The following CLTCL1 variants were observed in gnomAD, a reference collection of about 807,000 sequenced individuals.
The protein encoded by CLTCL1 is clathrin heavy chain 2.
CLTCL1 carries 159 observed loss-of-function variants against 190.0 expected under a neutral mutation model. That is an observed-to-expected ratio of 0.84 (90% confidence interval 0.74 to 0.95). CLTCL1 has a LOEUF of 0.95. Among genes scored for constraint, CLTCL1 ranks in the 40% least tolerant of loss-of-function variants. The probability of loss-of-function intolerance (pLI) is 0.00; values close to 1 mark genes in which losing one functional copy is unlikely to be tolerated. For synonymous variants in CLTCL1, 752 were observed against 769.6 expected (o/e 0.98, Z 0.38); for missense variants, 1,878 against 2,033.4 (o/e 0.92, Z 1.47).
chr22:19,211,695 A>G (rs2085226635), intron 19 of CLTCL1, among the ~76,000 whole-genome samples: 1 of 148,728 alleles, frequency 6.7e-6, no homozygotes, highest in Non-Finnish European at 1.5e-5. Flanking sequence ...CGAACCCAGG[A>G]GGCAGAGGTT....
chr22:19,228,461 C>A (rs1217813463), intron 11 of CLTCL1, among the ~76,000 whole-genome samples: 1 of 152,152 alleles, frequency 6.6e-6, no homozygotes, highest in Non-Finnish European at 1.5e-5. Flanking sequence ...TGTTTCAAAT[C>A]TCATTCACCA....
In CLTCL1 at chr22:19,198,235, C is replaced by T. The variant is rs1379074139; in HGVS notation, c.3873+1499G>A. 6.6e-6 allele frequency among the ~76,000 whole-genome samples: 1 copy of T among 152,200 alleles called. No homozygotes were observed. Among genetic ancestry groups the T allele is most frequent in the African/African-American group, 2.4e-5 (1 of 41,440 alleles). ...TAGCATATCAAGGTGGCTGCTCATT[C>T]AAAGCACACACCCAATCCTGATGGC... On this transcript the variant is annotated intron_variant, in intron 24 of 32. Coordinates refer to ENST00000427926, the MANE Select transcript of CLTCL1 (RefSeq NM_007098.4). This position sits in a 1 kb window ranked among gnomAD's most constrained non-coding sequence, Gnocchi z 4.1.
intron 2 of CLTCL1, chr22:19,257,902 C>A (rs1555973540): frequency 1.5e-6 from 2 of 1,329,420 alleles, no homozygotes; most frequent in African/African-American, 3.0e-5. Context: ...AGAGACTGGG[C>A]CATTACTTCA....
chr22:19,201,412 C>G lies in CLTCL1; in HGVS notation c.3682G>C (p.Ala1228Pro). The G allele has an allele frequency of 3.7e-6, 6 of 1,613,890 alleles. No homozygotes were observed. Among genetic ancestry groups the G allele is most frequent in the Non-Finnish European group, 5.1e-6 (6 of 1,179,852 alleles). Residue 1228 changes from alanine to proline, a missense_variant, in exon 23 of 33, where the codon GCT (alanine) becomes CCT (proline). Physicochemically the swap from Ala to Pro is conservative, Grantham distance 27 (BLOSUM62 -1). Transcript: ENST00000427926. The stretch of plus-strand genomic sequence containing the variant: ...TCACCGAGGTGAACCAAGGTGGAAG[C>G]CAGGCGGGCAAAGTTAGAAACATTG... Reference protein sequence around the residue: ...YSNVSNFARLASTLVHLGEYQ... With the variant: ...YSNVSNFARLPSTLVHLGEYQ...
rs1555944001 is a variant in CLTCL1, at chr22:19,208,171, T to C, written c.3583A>G (p.Asn1195Asp). Residue 1195 changes from asparagine to aspartate, a missense_variant, in exon 22 of 33, where the codon AAT becomes GAT. By Grantham distance (23) the Asn-to-Asp change is conservative (BLOSUM62 1). Transcript: ENST00000427926. ...ELEDFINGPN[N>D]AHIQQVGDRC... ...TGGCCTACCTGCTGGATGTGGGCAT[T>C]GTTGGGTCCATTAATAAAATCTTCT... 1 of 1,613,876 alleles carries C rather than the reference T, an allele frequency of 6.2e-7. No homozygotes were observed. Among genetic ancestry groups the C allele is most frequent in the East Asian group, 2.2e-5 (1 of 44,884 alleles).
At chr22:19,241,941 C>CTT (rs35692303) in intron 4 of CLTCL1, among the ~76,000 whole-genome samples, 2 of 139,078 alleles carry the variant, frequency 1.4e-5, no homozygotes, top group Admixed American at 7.2e-5. Context: ...CCTCATCTAC[C>CTT]TTTTTTTTTT....
At chr22:19,183,044 A>C in intron 30 of CLTCL1, 1 of 305,438 alleles carries the variant, frequency 3.3e-6, no homozygotes, top group Non-Finnish European at 6.4e-6. Context: ...GGGAGCTGGG[A>C]TTGCCAGCCA....
intron 23 of CLTCL1, 86 bp downstream of exon 23, chr22:19,201,243 C>A: frequency 7.0e-7 from 1 of 1,437,958 alleles, no homozygotes; most frequent in African/African-American, 1.4e-5. Context: ...AGACCGGCAC[C>A]CAGAAGAGTA....
chr22:19,203,518 C>T (rs2084960316), intron 22 of CLTCL1, among the ~76,000 whole-genome samples: 1 of 152,164 alleles, frequency 6.6e-6, no homozygotes, highest in Admixed American at 6.5e-5. Context: ...GTCACTGCTC[C>T]TCCAGACAGA....
At chr22:19,193,571 A>G (rs991158412) in intron 26 of CLTCL1, among the ~76,000 whole-genome samples, 13 of 152,346 alleles carry the variant, frequency 8.5e-5, no homozygotes, top group Admixed American at 7.8e-4. Flanking sequence ...TCCCTGTTTT[A>G]TACAAGGGAA....
chr22:19,192,386 T>C (rs1555932911), intron 26 of CLTCL1, among the ~76,000 whole-genome samples: 1 of 152,192 alleles, frequency 6.6e-6, no homozygotes, highest in Non-Finnish European at 1.5e-5. Flanking sequence ...ATTTGGTGGC[T>C]TGCTGACTGT....
chr22:19,248,023 A>T (rs969168119), intron 3 of CLTCL1, among the ~76,000 whole-genome samples: 3 of 151,182 alleles, frequency 2.0e-5, no homozygotes, highest in Admixed American at 2.0e-4. Flanking sequence ...TTGGCTGGGC[A>T]TGGTGGCTCA....
chr22:19,214,682 CTTTT>C (rs35325953), intron 19 of CLTCL1, among the ~76,000 whole-genome samples: 1 of 130,322 alleles, frequency 7.7e-6, no homozygotes, highest in Non-Finnish European at 1.7e-5. Flanking sequence ...ATATATTTTG[CTTTT>C]TTTTTTTTTT....
intron 1 of CLTCL1, among the ~76,000 whole-genome samples, chr22:19,285,359 T>A (rs1288576790): frequency 6.6e-6 from 1 of 152,206 alleles, no homozygotes; most frequent in East Asian, 1.9e-4. Context: ...TGAGGGCCTA[T>A]GAAGAATGTT....
intron 1 of CLTCL1, among the ~76,000 whole-genome samples, chr22:19,289,167 G>A (rs1333226391): frequency 6.6e-6 from 1 of 152,146 alleles, no homozygotes; most frequent in Non-Finnish European, 1.5e-5. Flanking sequence ...ATTTTTAGTA[G>A]AGACGAGGTT....
At chr22:19,203,694 G>A (rs570366801) in intron 22 of CLTCL1, among the ~76,000 whole-genome samples, 27 of 152,154 alleles carry the variant, frequency 1.8e-4, no homozygotes, top group African/African-American at 5.1e-4. Context: ...CACAGGTGGC[G>A]GCTGTGGGTG....
intron 18 of CLTCL1, among the ~76,000 whole-genome samples, chr22:19,217,296 A>T (rs807470): frequency 0.062 from 9,499 of 152,218 alleles, 354 homozygotes; most frequent in Middle Eastern, 0.16. Flanking sequence ...GTACACTTCC[A>T]ACAGTGACAT....
chr22:19,229,790 G>C, intron 11 of CLTCL1, 48 bp downstream of exon 11: 1 of 1,538,714 alleles, frequency 6.5e-7, no homozygotes, highest in Non-Finnish European at 8.7e-7. Flanking sequence ...AACCCAGAGA[G>C]GTGCCACAGG....
rs568099054 is a variant in CLTCL1 at position 19,252,882 on chromosome 22, T to C, written c.519+1077A>G. Among the ~76,000 whole-genome samples the C allele has an allele frequency of 8.0e-3, 1,209 of 151,830 alleles. 9 individuals carry two copies. The highest frequency in any genetic ancestry group is 0.013 in the Non-Finnish European group (897 of 67,936). On this transcript the variant is annotated intron_variant, in intron 3 of 32. Transcript: ENST00000427926. Reference sequence around the variant, plus strand: ...ACAAAAAATTAGCCAGGCATGGTGGTGGGCGCCTGTAGTCCCAGCTACTGG... The same window carrying C: ...ACAAAAAATTAGCCAGGCATGGTGGCGGGCGCCTGTAGTCCCAGCTACTGG...
Sources: allele counts gnomAD v4.1 joint callset (sites outside exome capture counted in the v4.1 genomes callset), GRCh38; gene constraint gnomAD v4.1.1; non-coding constraint Gnocchi (gnomAD v3.1); transcripts MANE v1.5; gene names NCBI Gene and HGNC (gene_info 2026-07-23, HGNC 2026-07-21).